NTNG2: variants seen among roughly 807,000 people sequenced by gnomAD.
The protein encoded by NTNG2 is netrin-G2.
In NTNG2, 15 loss-of-function variants were observed where a neutral mutation model predicts 47.6. The ratio of observed to expected loss-of-function variants is 0.32; its 90% CI spans 0.21 to 0.49. The LOEUF (loss-of-function observed/expected upper bound fraction) is 0.49, where lower values mean the gene tolerates loss of function less well. NTNG2 is among the 20% of genes least tolerant of loss of function. NTNG2 has a pLI of 0.99. For missense variants in NTNG2, 578 were observed against 764.6 expected, an observed-to-expected ratio of 0.76 and a Z score of 2.88; for synonymous variants, 307 against 324.6, an observed-to-expected ratio of 0.95 and a Z score of 0.58.
intron 3 of NTNG2, among the ~76,000 whole-genome samples, chr9:132,212,933 C>A (rs1279661557): frequency 2.3e-5 from 3 of 128,842 alleles, no homozygotes; most frequent in African/African-American, 1.4e-4. Context: ...CTCTCCCAAC[C>A]CCCCAAAGAA....
At position 132,162,970 on chromosome 9, in the gene NTNG2, C is replaced by T. The variant is rs1835194192; in HGVS notation, c.-484+731C>T. Among the ~76,000 whole-genome samples, 1 of 152,178 alleles carries T rather than the reference C, an allele frequency of 6.6e-6. No homozygotes were observed. Among genetic ancestry groups the T allele is most frequent in the Admixed American group, 6.5e-5 (1 of 15,308 alleles). On this transcript the variant is annotated intron_variant, in intron 1 of 7. Coordinates refer to ENST00000393229, the MANE Select transcript of NTNG2 (RefSeq NM_032536.4). The surrounding 1 kb of genome is among the most constrained non-coding windows in gnomAD (Gnocchi z 4.6). ...CGCGGGCTCGCGGGGTCCGCCCGCT[C>T]CGGAGTAAGTTGGCCGTCTGGGCTG...
chr9:132,193,987 G>A (rs1353094447), intron 2 of NTNG2, among the ~76,000 whole-genome samples: 1 of 152,060 alleles, frequency 6.6e-6, no homozygotes, highest in African/African-American at 2.4e-5. Context: ...TTCTTCCAAG[G>A]CCACCAGTCA....
intron 3 of NTNG2, among the ~76,000 whole-genome samples, chr9:132,199,060 G>T (rs1838542856): frequency 6.6e-6 from 1 of 152,140 alleles, no homozygotes; most frequent in African/African-American, 2.4e-5. Context: ...TTACATCATA[G>T]GGACTGCCTA....
chr9:132,177,909 G>A (rs1337324589), intron 2 of NTNG2, among the ~76,000 whole-genome samples: 4 of 152,202 alleles, frequency 2.6e-5, no homozygotes, highest in Non-Finnish European at 4.4e-5. Flanking sequence ...TGCCCACCTC[G>A]GCCTCCCAAA....
intron 2 of NTNG2, among the ~76,000 whole-genome samples, chr9:132,184,963 C>G (rs1224682692): frequency 6.6e-6 from 1 of 152,156 alleles, no homozygotes; most frequent in Non-Finnish European, 1.5e-5. Flanking sequence ...AGAGGCAGAG[C>G]TGGTGGCAGA....
chr9:132,197,783 A>G lies in NTNG2; in HGVS notation c.214-183A>G, dbSNP rs1838422127. On this transcript the variant is annotated intron_variant, in intron 2 of 7. Transcript: ENST00000393229. The surrounding 1 kb of genome is among the most constrained non-coding windows in gnomAD (Gnocchi z 4.3). ...TTCTTTGGAAGCCATGGGATTGCAC[A>G]CCTCTGCACGCATTGAGGAAATGGG... 1.3e-5 allele frequency among the ~76,000 whole-genome samples: 2 copies of G among 151,868 alleles called. No individual in the cohort carries two copies. Among genetic ancestry groups the G allele is most frequent in the Admixed American group, 1.3e-4 (2 of 15,238 alleles).
intron 2 of NTNG2, among the ~76,000 whole-genome samples, chr9:132,170,640 G>T (rs1266575484): frequency 2.6e-5 from 4 of 152,158 alleles, no homozygotes; most frequent in African/African-American, 4.8e-5. Context: ...GAGGAAGGGG[G>T]AAACCCTTCC....
At chr9:132,178,713 G>C (rs1025894181) in intron 2 of NTNG2, among the ~76,000 whole-genome samples, 2 of 151,490 alleles carry the variant, frequency 1.3e-5, no homozygotes, top group Admixed American at 1.3e-4. Context: ...GGCTGAGGCG[G>C]GCGGATTGTC....
intron 3 of NTNG2, among the ~76,000 whole-genome samples, chr9:132,200,053 T>G (rs1838625297): frequency 6.6e-6 from 1 of 152,146 alleles, no homozygotes; most frequent in African/African-American, 2.4e-5. Context: ...AGAATGGGGA[T>G]GGTAACAAGC....
At chr9:132,238,474 G>A (rs1165781951) in intron 5 of NTNG2, among the ~76,000 whole-genome samples, 2 of 152,154 alleles carry the variant, frequency 1.3e-5, no homozygotes, top group African/African-American at 4.8e-5. Flanking sequence ...GGTTCCCAGG[G>A]CTCCTGCTTT....
Position 132,198,270 on chromosome 9 carries a change from A to G in NTNG2, c.518A>G (p.Glu173Gly), listed in dbSNP as rs746016307. 7 of 1,612,568 alleles carry G rather than the reference A, an allele frequency of 4.3e-6. No homozygotes were observed. The highest frequency in any genetic ancestry group is 5.9e-6 in the Non-Finnish European group (7 of 1,179,954). Residue 173 changes from glutamate to glycine, a missense_variant, in exon 3 of 8, where the codon GAG (glutamate) becomes GGG (glycine). Glu to Gly is a moderately conservative substitution (Grantham distance 98). Transcript: ENST00000393229. ...CAGTTCTACGCCGAGGACTGCATGGAGGCCTTCGGTATGTCCGCCCGCCGG... is the reference window on the plus strand; with the variant it reads ...CAGTTCTACGCCGAGGACTGCATGGGGGCCTTCGGTATGTCCGCCCGCCGG... ...PYQFYAEDCM[E>G]AFGMSARRAR...
Position 132,208,979 on chromosome 9 carries a change from C to T in NTNG2, c.857+10370C>T, listed in dbSNP as rs1046430924. On this transcript the variant is annotated intron_variant, in intron 3 of 7. Coordinates refer to ENST00000393229, the MANE Select transcript of NTNG2 (RefSeq NM_032536.4). The surrounding 1 kb of genome is among the most constrained non-coding windows in gnomAD (Gnocchi z 4.0). ...AGGGGTCTCCTTCGTTCTCACTGTG[C>T]CTCTGAGGCTTATGGCGTGGCCGCC... Among the ~76,000 whole-genome samples, 1 of 152,126 alleles carries T rather than the reference C, an allele frequency of 6.6e-6. No individual in the cohort carries two copies. Among genetic ancestry groups the T allele is most frequent in the African/African-American group, 2.4e-5 (1 of 41,418 alleles).
rs898912726 is a variant in NTNG2 at position 132,162,565 on chromosome 9, A to G, written c.-484+326A>G. On this transcript the variant is annotated intron_variant, in intron 1 of 7. Coordinates refer to ENST00000393229, the MANE Select transcript of NTNG2 (RefSeq NM_032536.4). This position sits in a 1 kb window ranked among gnomAD's most constrained non-coding sequence, Gnocchi z 4.6. ...GTGTGTGTGTGTGTGTGAGAGAGAG[A>G]CAGAGTGTGTGTGTGTGTGTGTGTG... 1.7e-5 allele frequency among the ~76,000 whole-genome samples: 2 copies of G among 118,756 alleles called. No individual in the cohort carries two copies. Among genetic ancestry groups the G allele is most frequent in the Non-Finnish European group, 3.6e-5 (2 of 54,852 alleles). 77.9% of individuals were successfully genotyped at this position (118,756 alleles called of 152,430 possible). A position where few individuals can be genotyped will look rare whatever the true frequency, so the allele number is the denominator to read the frequency against.
chr9:132,198,915 T>C (rs1265597718), intron 3 of NTNG2, among the ~76,000 whole-genome samples: 1 of 152,112 alleles, frequency 6.6e-6, no homozygotes, highest in African/African-American at 2.4e-5. Context: ...TGTTATCTGG[T>C]ACCTGGGACA....
intron 2 of NTNG2, among the ~76,000 whole-genome samples, chr9:132,185,373 C>G (rs1837281752): frequency 6.6e-6 from 1 of 152,138 alleles, no homozygotes; most frequent in African/African-American, 2.4e-5. Context: ...AGGCAGCTAC[C>G]AAGCGCCCCA....
intron 2 of NTNG2, among the ~76,000 whole-genome samples, chr9:132,168,482 A>C (rs1455211778): frequency 1.3e-5 from 2 of 151,996 alleles, no homozygotes; most frequent in Non-Finnish European, 2.9e-5. Flanking sequence ...GTAGCTTCTT[A>C]CTCAGGCTTG....
At chr9:132,212,090 T>C (rs1295472478) in intron 3 of NTNG2, among the ~76,000 whole-genome samples, 1 of 152,130 alleles carries the variant, frequency 6.6e-6, no homozygotes, top group East Asian at 1.9e-4. Context: ...CCCACCCTTG[T>C]CGCCTCCCAC....
At chr9:132,235,541 T>G (rs1046458895) in intron 5 of NTNG2, among the ~76,000 whole-genome samples, 2 of 152,214 alleles carry the variant, frequency 1.3e-5, no homozygotes, top group African/African-American at 4.8e-5. Context: ...ATAGTGCTGC[T>G]GCTTCTAAGG....
Position 132,182,685 on chromosome 9 carries a change from A to G in NTNG2, c.214-15281A>G, listed in dbSNP as rs1400100401. Among the ~76,000 whole-genome samples, 3 of 152,190 alleles carry G rather than the reference A, an allele frequency of 2.0e-5. No individual in the cohort carries two copies. The highest frequency in any genetic ancestry group is 4.4e-5 in the Non-Finnish European group (3 of 68,026). ...TACAGAGTACGGGTTGTCTCCCAGC[A>G]GGAAAGGGAGGTTTCAGGTTTTGTG... On this transcript the variant is annotated intron_variant, in intron 2 of 7. Coordinates refer to ENST00000393229, the MANE Select transcript of NTNG2 (RefSeq NM_032536.4). The surrounding 1 kb of genome is among the most constrained non-coding windows in gnomAD (Gnocchi z 4.2).
Sources: gnomAD v4.1 joint callset for allele counts (sites outside exome capture counted in the v4.1 genomes callset) on GRCh38, gnomAD v4.1.1 for gene constraint, Gnocchi (gnomAD v3.1) non-coding constraint, MANE v1.5 for transcripts, NCBI Gene and HGNC (gene_info 2026-07-23, HGNC 2026-07-21) for gene names.